The following KCNH7 variants were observed in gnomAD, a reference collection of about 807,000 sequenced individuals.
KCNH7 encodes the protein potassium voltage-gated channel subfamily H member 7.
A neutral mutation model predicts 120.8 loss-of-function variants in KCNH7; 49 were observed. That is an observed-to-expected ratio of 0.41 (90% CI 0.32 to 0.51). The LOEUF (loss-of-function observed/expected upper bound fraction) is 0.51, where lower values mean the gene tolerates loss of function less well. Among genes scored for constraint, KCNH7 ranks in the 20% least tolerant of loss-of-function variants. The probability of loss-of-function intolerance (pLI) is 0.38; values close to 1 mark genes in which losing one functional copy is unlikely to be tolerated. For missense variants in KCNH7, 1,097 were observed against 1,446.6 expected (o/e 0.76, Z 3.92); for synonymous variants, 547 against 516.1 (o/e 1.06, Z -0.81).
chr2:162,655,284 T>C (rs1684709464), intron 2 of KCNH7, among the ~76,000 whole-genome samples: 3 of 152,164 alleles, frequency 2.0e-5, no homozygotes, highest in Admixed American at 1.3e-4. Context: ...AAAAATAAAT[T>C]GATCAATTAA....
At chr2:162,752,936 A>AAGAAAAGAAAAGAAAAGAAAAG (rs1688627046) in intron 2 of KCNH7, among the ~76,000 whole-genome samples, 1 of 93,734 alleles carries the variant, frequency 1.1e-5, no homozygotes, top group Non-Finnish European at 1.9e-5. Context: ...AAGAAAAGAA[A>AAGAAAAGAAAAGAAAAGAAAAG]AGAAAAGAAA....
chr2:162,666,500 G>T (rs1685137748), intron 2 of KCNH7, among the ~76,000 whole-genome samples: 1 of 151,756 alleles, frequency 6.6e-6, no homozygotes, highest in South Asian at 2.1e-4. Flanking sequence ...GTGAAAACTT[G>T]ATCTCTCCTG....
Position 162,465,382 on chromosome 2 carries a change from A to G in KCNH7, c.1129-18939T>C, listed in dbSNP as rs146131070. The stretch of plus-strand genomic sequence containing the variant: ...AAATGCAAGCTCTATGATCAAAGAA[A>G]ATTTCCTATTAAAATAGTTTAAATT... On this transcript the variant is annotated intron_variant, in intron 6 of 15. Transcript: ENST00000332142. 9.6e-3 allele frequency among the ~76,000 whole-genome samples: 1,460 copies of G among 152,278 alleles called. 12 individuals carry two copies. The highest frequency in any genetic ancestry group is 0.061 in the Middle Eastern group (18 of 294).
intron 2 of KCNH7, among the ~76,000 whole-genome samples, chr2:162,645,215 T>G (rs535533557): frequency 6.6e-6 from 1 of 152,274 alleles, no homozygotes; most frequent in East Asian, 1.9e-4. Context: ...TGGCGTGATC[T>G]TGGCTCACTG....
intron 2 of KCNH7, among the ~76,000 whole-genome samples, chr2:162,636,133 T>C (rs964881414): frequency 5.9e-5 from 9 of 151,900 alleles, no homozygotes; most frequent in African/African-American, 1.7e-4. Context: ...ATTTAGCACA[T>C]TTTTTTTCCA....
chr2:162,503,638 T>G (rs986091775), intron 6 of KCNH7, among the ~76,000 whole-genome samples: 4 of 152,024 alleles, frequency 2.6e-5, no homozygotes, highest in East Asian at 1.9e-4. Flanking sequence ...ATTCAAAAAC[T>G]TCAATGCTTG....
At chr2:162,705,258 A>G (rs886146297) in intron 2 of KCNH7, among the ~76,000 whole-genome samples, 1 of 152,082 alleles carries the variant, frequency 6.6e-6, no homozygotes, top group African/African-American at 2.4e-5. Context: ...CTTTAGTTTT[A>G]TTTCTTAATC....
chr2:162,420,216 A>T (rs1183989599), intron 9 of KCNH7, among the ~76,000 whole-genome samples: 1 of 152,056 alleles, frequency 6.6e-6, no homozygotes, highest in African/African-American at 2.4e-5. Flanking sequence ...TCTCTACTAA[A>T]AATACAAAAA....
intron 2 of KCNH7, 54 bp downstream of exon 2, chr2:162,836,483 A>T: frequency 7.0e-7 from 1 of 1,433,650 alleles, no homozygotes; most frequent in Non-Finnish European, 9.7e-7. Context: ...TTAATAGTCA[A>T]AATTTCTTTT....
At position 162,445,219 on chromosome 2, in the gene KCNH7, A is replaced by G. The variant is rs1235518756; in HGVS notation, c.1554+799T>C. The stretch of plus-strand genomic sequence containing the variant: ...TCTCCTCTTTGTTGGGGAGAGAAGG[A>G]AGTTGGTGCAGGGCAGGGTTCTTAT... On this transcript the variant is annotated intron_variant, in intron 7 of 15. Coordinates refer to ENST00000332142, the MANE Select transcript of KCNH7 (RefSeq NM_033272.4). Among the ~76,000 whole-genome samples the G allele has an allele frequency of 2.0e-5, 3 of 152,218 alleles. No homozygotes were observed. The East Asian group carries it at 5.8e-4, about 29-fold the overall frequency.
In KCNH7 at chr2:162,827,843, T is replaced by G. The variant is rs555011289; in HGVS notation, c.307+8694A>C. On this transcript the variant is annotated intron_variant, in intron 2 of 15. Coordinates refer to ENST00000332142, the MANE Select transcript of KCNH7 (RefSeq NM_033272.4). ...CTTATCTGTAAAATGGGATAACGTC[T>G]GCTCCCAAAGCTGTCATGAAAATCA... Among the ~76,000 whole-genome samples, 5 of 152,260 alleles carry G rather than the reference T, an allele frequency of 3.3e-5. No individual in the cohort carries two copies. The South Asian group carries it at 1.0e-3, about 32-fold the overall frequency.
At chr2:162,833,199 G>A (rs902975235) in intron 2 of KCNH7, among the ~76,000 whole-genome samples, 9 of 152,016 alleles carry the variant, frequency 5.9e-5, no homozygotes, top group African/African-American at 2.2e-4. Flanking sequence ...GCCTGAAGGG[G>A]TTTAGCACTT....
At chr2:162,751,613 G>T (rs1046192082) in intron 2 of KCNH7, among the ~76,000 whole-genome samples, 1 of 151,696 alleles carries the variant, frequency 6.6e-6, no homozygotes, top group Non-Finnish European at 1.5e-5. Flanking sequence ...TAATTGATAT[G>T]TAGGCAAGTT....
At position 162,580,717 on chromosome 2, in the gene KCNH7, A is replaced by G. The variant is rs181356876; in HGVS notation, c.308-43637T>C. On this transcript the variant is annotated intron_variant, in intron 2 of 15. Coordinates refer to ENST00000332142, the MANE Select transcript of KCNH7 (RefSeq NM_033272.4). ...AGAGAAGAACAGATCAAACAATCCCACCCTAACAGATGTCACTGGAGAACC... is the reference window on the plus strand; with the variant it reads ...AGAGAAGAACAGATCAAACAATCCCGCCCTAACAGATGTCACTGGAGAACC... 3.7e-3 allele frequency among the ~76,000 whole-genome samples: 570 copies of G among 152,126 alleles called. 5 individuals carry two copies. The highest frequency in any genetic ancestry group is 3.2e-3 in the Non-Finnish European group (220 of 67,956).
chr2:162,560,577 A>C (rs1693026983), intron 2 of KCNH7, among the ~76,000 whole-genome samples: 1 of 152,204 alleles, frequency 6.6e-6, no homozygotes, highest in South Asian at 2.1e-4. Flanking sequence ...TTGTGTGTAA[A>C]AGGCTATGTG....
At chr2:162,388,194 A>G (rs1199176191) in intron 12 of KCNH7, among the ~76,000 whole-genome samples, 1 of 151,868 alleles carries the variant, frequency 6.6e-6, no homozygotes, top group Non-Finnish European at 1.5e-5. Context: ...ACAATTTAAA[A>G]AATTAAAATA....
Position 162,784,448 on chromosome 2 carries a change from A to G in KCNH7, c.307+52089T>C, listed in dbSNP as rs192933566. Reference sequence around the variant, plus strand: ...GTTAGGTATAGAAATAATAATATTGACCCCAATATTTTATTATTTAATCCT... The same window carrying G: ...GTTAGGTATAGAAATAATAATATTGGCCCCAATATTTTATTATTTAATCCT... On this transcript the variant is annotated intron_variant, in intron 2 of 15. Transcript: ENST00000332142. 2.0e-5 allele frequency: 3 copies of G among 152,208 alleles called. No homozygotes were observed. The East Asian group carries it at 5.8e-4, about 29-fold the overall frequency. 9.4% of individuals were successfully genotyped at this position (152,208 alleles called of 1,614,324 possible).
At chr2:162,607,261 G>A (rs969203407) in intron 2 of KCNH7, among the ~76,000 whole-genome samples, 7 of 150,344 alleles carry the variant, frequency 4.7e-5, no homozygotes, top group Admixed American at 6.6e-5. Flanking sequence ...ATGGTGCTGC[G>A]CACCTGTAGT....
At chr2:162,729,368 C>A (rs1187993358) in intron 2 of KCNH7, among the ~76,000 whole-genome samples, 1 of 151,822 alleles carries the variant, frequency 6.6e-6, no homozygotes, top group African/African-American at 2.4e-5. Flanking sequence ...ACTTTTTAGT[C>A]AAATTTGAAA....
Sources: gnomAD v4.1 joint callset for allele counts (sites outside exome capture counted in the v4.1 genomes callset) on GRCh38, gnomAD v4.1.1 for gene constraint, MANE v1.5 for transcripts, NCBI Gene and HGNC (gene_info 2026-07-23, HGNC 2026-07-21) for gene names.